EDARADD: variants seen among roughly 807,000 people sequenced by gnomAD.
EDARADD encodes EDAR associated via death domain.
In EDARADD, 20 loss-of-function variants were observed where a neutral mutation model predicts 25.6. That is an observed-to-expected ratio of 0.78 (90% confidence interval 0.55 to 1.14). The LOEUF is 1.14. EDARADD is among the 50% of genes most tolerant of loss of function. The pLI is 0.00. For synonymous variants in EDARADD, 86 were observed against 94.4 expected, an observed-to-expected ratio of 0.91 and a Z score of 0.52; for missense variants, 225 against 270.1, an observed-to-expected ratio of 0.83 and a Z score of 1.17.
chr1:236,421,845 G>A (rs549725937), intron 3 of EDARADD, among the ~76,000 whole-genome samples: 22 of 152,010 alleles, frequency 1.4e-4, no homozygotes, highest in Non-Finnish European at 2.8e-4. Flanking sequence ...TCAATGTTAG[G>A]TCTTATACAA....
intron 4 of EDARADD, among the ~76,000 whole-genome samples, chr1:236,443,200 T>C (rs1658448379): frequency 1.3e-5 from 2 of 152,212 alleles, no homozygotes; most frequent in Admixed American, 6.5e-5. Flanking sequence ...AAGAAATAAA[T>C]TCCTTTTCTT....
chr1:236,398,672 C>T lies in EDARADD; in HGVS notation c.61+4167C>T, dbSNP rs752120951. 1.3e-5 allele frequency among the ~76,000 whole-genome samples: 2 copies of T among 152,220 alleles called. No homozygotes were observed. The highest frequency in any genetic ancestry group is 1.3e-4 in the Admixed American group (2 of 15,276). On this transcript the variant is annotated intron_variant, in intron 1 of 5. Transcript: ENST00000334232. This position sits in a 1 kb window ranked among gnomAD's most constrained non-coding sequence, Gnocchi z 4.1. ...ACTTTGTTCCTGCGGCCTGGAAGGA[C>T]CCCTGCATTCCAGCCCTCACCCCAT...
At chr1:236,391,643 T>A (rs1667426474), upstream of EDARADD, among the ~76,000 whole-genome samples, 3 of 152,228 alleles carry the variant, frequency 2.0e-5, no homozygotes, top group Admixed American at 2.0e-4. Flanking sequence ...AAGACACATG[T>A]GGTTCAATAA....
At chr1:236,417,632 G>T (rs1407159985) in intron 3 of EDARADD, among the ~76,000 whole-genome samples, 2 of 152,032 alleles carry the variant, frequency 1.3e-5, no homozygotes, top group Non-Finnish European at 2.9e-5. Flanking sequence ...GAGTCTGCGG[G>T]TACTAAGAAC....
At chr1:236,351,977 C>T (rs891194398) in intron 3 of EDARADD, among the ~76,000 whole-genome samples, 1 of 151,974 alleles carries the variant, frequency 6.6e-6, no homozygotes, top group African/African-American at 2.4e-5. Context: ...TGTCATGGCG[C>T]TGGGGGGTGT....
intron 3 of EDARADD, among the ~76,000 whole-genome samples, chr1:236,382,089 T>A (rs1019228451): frequency 3.3e-5 from 5 of 152,208 alleles, no homozygotes; most frequent in African/African-American, 7.2e-5. Context: ...ATTTAAAAAA[T>A]TTTTGGCCAT....
At chr1:236,381,343 C>CT in intron 3 of EDARADD, among the ~76,000 whole-genome samples, 1 of 151,178 alleles carries the variant, frequency 6.6e-6, no homozygotes, top group South Asian at 2.1e-4. Context: ...TTTTTATTTA[C>CT]TTTTTTATTA....
At chr1:236,470,595 GTTTTTTTGTTAT>G (rs1558136056) in intron 5 of EDARADD, among the ~76,000 whole-genome samples, 1 of 151,932 alleles carries the variant, frequency 6.6e-6, no homozygotes, top group Non-Finnish European at 1.5e-5. Context: ...CAGAGTGTGG[GTTTTTTTGTTAT>G]TTTTTTTGTT....
chr1:236,364,277 A>G (rs1667086287), intron 3 of EDARADD, among the ~76,000 whole-genome samples: 1 of 152,208 alleles, frequency 6.6e-6, no homozygotes, highest in Admixed American at 6.5e-5. Context: ...TGTCTATCTT[A>G]CTGCTAATAT....
intron 3 of EDARADD, among the ~76,000 whole-genome samples, chr1:236,417,395 C>T (rs941154915): frequency 1.3e-5 from 2 of 152,170 alleles, no homozygotes; most frequent in Middle Eastern, 3.4e-3. Flanking sequence ...TTAACAGTGG[C>T]CAGAATAGAT....
At chr1:236,421,486 G>GTTTTT (rs1657782842) in intron 3 of EDARADD, among the ~76,000 whole-genome samples, 1 of 119,494 alleles carries the variant, frequency 8.4e-6, no homozygotes, top group African/African-American at 3.0e-5. Flanking sequence ...GACCTTCCCA[G>GTTTTT]TTCTTTTTTT....
At chr1:236,350,259 G>A (rs972836119) in intron 2 of EDARADD, among the ~76,000 whole-genome samples, 4 of 152,192 alleles carry the variant, frequency 2.6e-5, no homozygotes, top group African/African-American at 9.6e-5. Context: ...TTTCTTCCTT[G>A]TTATGCCAGG....
At position 236,482,899 on chromosome 1, in the gene EDARADD, T is replaced by C; in HGVS notation, c.*250T>C. The stretch of plus-strand genomic sequence containing the variant: ...AGAAAACATATTTTCTAGTATCCTC[T>C]AAGGGCCAAAGTCCTACAATCGGAA... On this transcript the variant is annotated 3_prime_UTR_variant, in exon 6 of 6. Transcript: ENST00000334232. 1 of 624,176 alleles carries C rather than the reference T, an allele frequency of 1.6e-6. No individual in the cohort carries two copies. The highest frequency in any genetic ancestry group is 2.8e-6 in the Non-Finnish European group (1 of 361,174). The allele number at this position is 624,176 out of a possible 1,614,324, so 38.7% of individuals were successfully genotyped here. A position where few individuals can be genotyped will look rare whatever the true frequency, so the allele number is the denominator to read the frequency against.
At chr1:236,439,300 G>A (rs1228102515) in intron 4 of EDARADD, among the ~76,000 whole-genome samples, 1 of 152,210 alleles carries the variant, frequency 6.6e-6, no homozygotes, top group Non-Finnish European at 1.5e-5. Flanking sequence ...TGTAAACAAA[G>A]CTGCTGTAAA....
At chr1:236,360,762 G>T (rs540600897) in intron 3 of EDARADD, among the ~76,000 whole-genome samples, 1 of 151,964 alleles carries the variant, frequency 6.6e-6, no homozygotes, top group African/African-American at 2.4e-5. Flanking sequence ...GCCCAGGGTG[G>T]TCTCAAACTC....
intron 3 of EDARADD, among the ~76,000 whole-genome samples, chr1:236,352,894 C>T (rs116270453): frequency 0.031 from 4,655 of 152,054 alleles, 107 homozygotes; most frequent in Non-Finnish European, 0.044. Context: ...CATGTAGTGC[C>T]AGCTACTCGG....
chr1:236,437,861 G>A (rs1032438159), intron 4 of EDARADD, among the ~76,000 whole-genome samples: 42 of 147,470 alleles, frequency 2.8e-4, no homozygotes, highest in African/African-American at 9.2e-4. Flanking sequence ...CGATTCTCCC[G>A]CCTCAGCCTT....
intron 3 of EDARADD, among the ~76,000 whole-genome samples, chr1:236,425,898 CA>C (rs936329949): frequency 4.6e-5 from 7 of 152,204 alleles, no homozygotes; most frequent in Non-Finnish European, 1.0e-4. Flanking sequence ...GAAATCTGAC[CA>C]AATGTCCTTG....
chr1:236,415,966 C>T (rs756824055), intron 3 of EDARADD, among the ~76,000 whole-genome samples: 1 of 152,186 alleles, frequency 6.6e-6, no homozygotes, highest in Non-Finnish European at 1.5e-5. Context: ...CAGCAGTTCT[C>T]ATGGTAGTGG....
Sources: allele counts gnomAD v4.1 joint callset (sites outside exome capture counted in the v4.1 genomes callset), GRCh38; gene constraint gnomAD v4.1.1; non-coding constraint Gnocchi (gnomAD v3.1); transcripts MANE v1.5; gene names NCBI Gene and HGNC (gene_info 2026-07-23, HGNC 2026-07-21).